PNPT1: variants seen among roughly 807,000 people sequenced by gnomAD.
The protein encoded by PNPT1 is polyribonucleotide nucleotidyltransferase 1.
In PNPT1, 53 loss-of-function variants were observed where a neutral mutation model predicts 119.5. The observed-to-expected ratio is 0.44, with a 90% CI of 0.36 to 0.56. The LOEUF is 0.56. PNPT1 is among the 20% of genes least tolerant of loss of function. PNPT1 has a pLI of 0.00. For missense variants in PNPT1, 948 were observed against 938.5 expected, an observed-to-expected ratio of 1.01 and a Z score of -0.13; for synonymous variants, 357 against 322.1, an observed-to-expected ratio of 1.11 and a Z score of -1.16.
chr2:55,659,132 T>C (rs1261833722), intron 15 of PNPT1, among the ~76,000 whole-genome samples: 1 of 152,096 alleles, frequency 6.6e-6, no homozygotes, highest in Non-Finnish European at 1.5e-5. Flanking sequence ...TTTTTAGATC[T>C]TCTTGTAGAG....
At chr2:55,644,976 T>C in intron 22 of PNPT1, 1 of 349,544 alleles carries the variant, frequency 2.9e-6, no homozygotes, top group Non-Finnish European at 5.1e-6. Context: ...TTAAAAGCAG[T>C]AATATTCATT....
At chr2:55,678,715 T>C (rs1449226373) in intron 8 of PNPT1, among the ~76,000 whole-genome samples, 2 of 152,210 alleles carry the variant, frequency 1.3e-5, no homozygotes, top group Non-Finnish European at 2.9e-5. Flanking sequence ...TCTGAATTTC[T>C]TTTACCTGAG....
intron 13 of PNPT1, among the ~76,000 whole-genome samples, chr2:55,663,092 G>C (rs1163194559): frequency 2.0e-5 from 3 of 152,046 alleles, no homozygotes; most frequent in Non-Finnish European, 2.9e-5. Context: ...CACTGTGTTA[G>C]CCAGTATGGT....
At chr2:55,687,238 G>A (rs1034064616) in intron 2 of PNPT1, among the ~76,000 whole-genome samples, 6 of 134,052 alleles carry the variant, frequency 4.5e-5, no homozygotes, top group Non-Finnish European at 6.3e-5. Flanking sequence ...AAAAGAGATC[G>A]AGACCATCCT....
Position 55,643,787 on chromosome 2 carries a change from A to C in PNPT1, c.1907-362T>G, listed in dbSNP as rs149249946. ...TCATTCCAGTGGAAACTCGTCTTAAAAATAGATGTGAGAATAGGAGGGACC... is the reference window on the plus strand; with the variant it reads ...TCATTCCAGTGGAAACTCGTCTTAACAATAGATGTGAGAATAGGAGGGACC... On this transcript the variant is annotated intron_variant, in intron 23 of 27. Transcript: ENST00000447944. Among the ~76,000 whole-genome samples the C allele has an allele frequency of 5.3e-5, 8 of 152,286 alleles. No homozygotes were observed. In the East Asian group the frequency reaches 7.7e-4, roughly 15 times the overall value.
At chr2:55,679,037 A>T (rs1223550515) in intron 8 of PNPT1, among the ~76,000 whole-genome samples, 1 of 152,224 alleles carries the variant, frequency 6.6e-6, no homozygotes, top group African/African-American at 2.4e-5. Flanking sequence ...GTCCAAGATC[A>T]CATGATTATA....
At chr2:55,681,709 G>A (rs922572123) in intron 5 of PNPT1, among the ~76,000 whole-genome samples, 14 of 151,932 alleles carry the variant, frequency 9.2e-5, no homozygotes, top group Admixed American at 4.6e-4. Flanking sequence ...GCCGTGCGTG[G>A]TAGTGCACGC....
intron 4 of PNPT1, among the ~76,000 whole-genome samples, chr2:55,684,364 C>A (rs1697333580): frequency 6.6e-6 from 1 of 152,056 alleles, no homozygotes; most frequent in South Asian, 2.1e-4. Flanking sequence ...GTGGTGGGCA[C>A]CTGTAATCCC....
Position 55,679,661 on chromosome 2 carries a change from G to A in PNPT1, c.679+21C>T, listed in dbSNP as rs1185757824. 2.1e-6 allele frequency: 3 copies of A among 1,459,316 alleles called. No homozygotes were observed. The Admixed American group carries it at 5.1e-5, about 25-fold the overall frequency. The allele number at this position is 1,459,316 out of a possible 1,614,324, so 90.4% of individuals were successfully genotyped here. On this transcript the variant is annotated intron_variant, in intron 8 of 27. Coordinates refer to ENST00000447944, the MANE Select transcript of PNPT1 (RefSeq NM_033109.5). ...CTTGTAAGTAAAATCCAGAACAAAT[G>A]TGGTATTTAAAACAACTTACCAATC...
At chr2:55,685,750 G>C (rs1254976088) in intron 3 of PNPT1, among the ~76,000 whole-genome samples, 2 of 152,088 alleles carry the variant, frequency 1.3e-5, no homozygotes, top group African/African-American at 4.8e-5. Flanking sequence ...TGGGGGATTG[G>C]TTCTAGGACC....
At chr2:55,659,882 G>T (rs752209326) in intron 15 of PNPT1, among the ~76,000 whole-genome samples, 1 of 151,994 alleles carries the variant, frequency 6.6e-6, no homozygotes, top group Non-Finnish European at 1.5e-5. Context: ...CTGTATCCTG[G>T]AAGTTTTTAA....
chr2:55,681,706 G>A (rs544263147), intron 5 of PNPT1, among the ~76,000 whole-genome samples: 3 of 152,032 alleles, frequency 2.0e-5, no homozygotes, highest in South Asian at 4.1e-4. Flanking sequence ...TTAGCCGTGC[G>A]TGGTAGTGCA....
intron 3 of PNPT1, among the ~76,000 whole-genome samples, chr2:55,685,785 A>G (rs780614998): frequency 6.6e-6 from 1 of 152,198 alleles, no homozygotes; most frequent in Non-Finnish European, 1.5e-5. Context: ...AAATCCATGG[A>G]TGCTCAAATC....
chr2:55,671,516 A>G, intron 10 of PNPT1, 140 bp from the exon 11 acceptor site: 1 of 513,936 alleles, frequency 1.9e-6, no homozygotes. Flanking sequence ...TTGGTTCTTG[A>G]TTTATGACAA....
chr2:55,684,936 A>G lies in PNPT1; in HGVS notation c.403+7T>C. 1 of 1,560,630 alleles carries G rather than the reference A, an allele frequency of 6.4e-7. No individual in the cohort carries two copies. Among genetic ancestry groups the G allele is most frequent in the Non-Finnish European group, 8.7e-7 (1 of 1,144,836 alleles). ...AGAAGATGAACGCCTCTATGTTAATATCTTACCTATTATTCGACTTGTTAG... is the reference window on the plus strand; with the variant it reads ...AGAAGATGAACGCCTCTATGTTAATGTCTTACCTATTATTCGACTTGTTAG... On this transcript the variant is annotated splice_region_variant and intron_variant, in intron 4 of 27. Transcript: ENST00000447944.
intron 2 of PNPT1, 148 bp from the exon 3 acceptor site, chr2:55,686,592 T>C: frequency 3.3e-6 from 2 of 615,378 alleles, no homozygotes; most frequent in Non-Finnish European, 5.6e-6. Context: ...TATTCACAAG[T>C]AGTCCAATCT....
chr2:55,688,162 C>G (rs920870273), intron 1 of PNPT1, among the ~76,000 whole-genome samples: 4 of 151,998 alleles, frequency 2.6e-5, no homozygotes, highest in Non-Finnish European at 4.4e-5. Context: ...TCCAACTCAG[C>G]TTCCTGAGTA....
chr2:55,688,766 C>A (rs6720789), intron 1 of PNPT1, among the ~76,000 whole-genome samples: 72,390 of 150,950 alleles, frequency 0.48, 17,840 homozygotes, highest in African/African-American at 0.6. Context: ...ACAACAACAA[C>A]AAAAAACTTT....
At chr2:55,658,482 A>G (rs1275811963) in intron 15 of PNPT1, among the ~76,000 whole-genome samples, 1 of 152,182 alleles carries the variant, frequency 6.6e-6, no homozygotes, top group African/African-American at 2.4e-5. Context: ...CCTTATAAAA[A>G]TGTATTAAGC....
Sources: gnomAD v4.1 joint callset for allele counts (sites outside exome capture counted in the v4.1 genomes callset) on GRCh38, gnomAD v4.1.1 for gene constraint, MANE v1.5 for transcripts, NCBI Gene and HGNC (gene_info 2026-07-23, HGNC 2026-07-21) for gene names.